SCNN1A: variants seen among roughly 807,000 people sequenced by gnomAD.
SCNN1A encodes epithelial sodium channel subunit alpha.
Under a neutral mutation model 68.6 loss-of-function variants are expected in SCNN1A, and 65 were observed. The observed-to-expected ratio is 0.95, with a 90% CI of 0.78 to 1.16. The LOEUF (loss-of-function observed/expected upper bound fraction) is 1.16. Ranked by LOEUF, SCNN1A falls within the 50% of genes most tolerant of loss-of-function variation. SCNN1A has a pLI of 0.00. For missense variants in SCNN1A, 880 were observed against 865.9 expected, an observed-to-expected ratio of 1.02 and a Z score of -0.20; for synonymous variants, 357 against 353.3, an observed-to-expected ratio of 1.01 and a Z score of -0.12.
intron 2 of SCNN1A, among the ~76,000 whole-genome samples, chr12:6,370,090 G>A (rs893376734): frequency 6.6e-6 from 1 of 152,178 alleles, no homozygotes; most frequent in Non-Finnish European, 1.5e-5. Flanking sequence ...CATGCTCACT[G>A]CCCTCACTCC....
At chr12:6,352,605 G>T (rs1000342512) in intron 8 of SCNN1A, among the ~76,000 whole-genome samples, 8 of 152,204 alleles carry the variant, frequency 5.3e-5, no homozygotes, top group Non-Finnish European at 1.0e-4. Flanking sequence ...CTCCATCCCA[G>T]TTCTGTATAC....
chr12:6,354,566 G>A lies in SCNN1A; in HGVS notation c.1243-11C>T. On this transcript the variant is annotated splice_polypyrimidine_tract_variant and intron_variant, in intron 7 of 12. Coordinates refer to ENST00000228916, the MANE Select transcript of SCNN1A (RefSeq NM_001038.6). The stretch of plus-strand genomic sequence containing the variant: ...GGAGTGAATACACACCTGGAAGGGA[G>A]GAGGGTGGAGAGGAGAGGGGGTTCA... The A allele has an allele frequency of 6.3e-7, 1 of 1,598,512 alleles. No homozygotes were observed. Among genetic ancestry groups the A allele is most frequent in the South Asian group, 1.1e-5 (1 of 90,770 alleles).
intron 2 of SCNN1A, among the ~76,000 whole-genome samples, chr12:6,366,044 C>T (rs1175063739): frequency 2.0e-5 from 3 of 151,864 alleles, no homozygotes; most frequent in Admixed American, 6.6e-5. Flanking sequence ...TTAGTAGAGA[C>T]GGGGTTTCAC....
upstream of SCNN1A, chr12:6,377,189 T>C: frequency 6.9e-7 from 1 of 1,443,184 alleles, no homozygotes; most frequent in Non-Finnish European, 9.5e-7. Flanking sequence ...CGGCAGTCTC[T>C]TGCGACTTCT....
Position 6,349,166 on chromosome 12 carries a change from G to C in SCNN1A, c.1495C>G (p.Gln499Glu). 3.1e-6 allele frequency: 5 copies of C among 1,613,898 alleles called. No individual in the cohort carries two copies. Among genetic ancestry groups the C allele is most frequent in the Non-Finnish European group, 1.7e-6 (2 of 1,179,886 alleles). Residue 499 changes from glutamine to glutamate, a missense_variant and splice_region_variant, in exon 10 of 13, where the codon CAG (glutamine) becomes GAG (glutamate). This residue lies in a region of SCNN1A where 758 missense variants were observed against 721.8 expected (regional missense o/e 1.05). Transcript: ENST00000228916. ...GYSRWPSVTSQEWVFQMLSRQ... is the reference protein window; with the variant it reads ...GYSRWPSVTSEEWVFQMLSRQ... ...CCCATCCCTTCCCCACACTCTACCT[G>C]GGATGTCACCGAGGGCCATCGTGAG...
At position 6,374,279 on chromosome 12, in the gene SCNN1A, G is replaced by A. The variant is rs1948853545; in HGVS notation, c.416+89C>T. Reference sequence around the variant, plus strand: ...GGTGTCAGTTCCCACCCTCAGGTCTGAGGCTCTGCCTGCCCAGTGAGCACC... The same window carrying A: ...GGTGTCAGTTCCCACCCTCAGGTCTAAGGCTCTGCCTGCCCAGTGAGCACC... On this transcript the variant is annotated intron_variant, in intron 2 of 12. Transcript: ENST00000228916. The surrounding 1 kb of genome is among the most constrained non-coding windows in gnomAD (Gnocchi z 6.2). 3 of 1,417,626 alleles carry A rather than the reference G, an allele frequency of 2.1e-6. No homozygotes were observed. Among genetic ancestry groups the A allele is most frequent in the Non-Finnish European group, 2.9e-6 (3 of 1,030,242 alleles). The allele number at this position is 1,417,626 out of a possible 1,614,324, so 87.8% of individuals were successfully genotyped here.
intron 2 of SCNN1A, among the ~76,000 whole-genome samples, chr12:6,368,548 A>C (rs1350115384): frequency 6.6e-6 from 1 of 152,252 alleles, no homozygotes; most frequent in Non-Finnish European, 1.5e-5. Flanking sequence ...ACATGATTTA[A>C]TCTTCAGTGT....
Position 6,374,949 on chromosome 12 carries a change from G to T in SCNN1A, c.-54-112C>A. 6.3e-7 allele frequency: 1 copy of T among 1,578,696 alleles called. No individual in the cohort carries two copies. On this transcript the variant is annotated intron_variant, in intron 1 of 12. Coordinates refer to ENST00000228916, the MANE Select transcript of SCNN1A (RefSeq NM_001038.6). This position sits in a 1 kb window ranked among gnomAD's most constrained non-coding sequence, Gnocchi z 6.2. ...CTGGAACCCGAGTGAGGCTGCCCCTGGCCATGCCCATGTCCCACCCTGCGC... is the reference window on the plus strand; with the variant it reads ...CTGGAACCCGAGTGAGGCTGCCCCTTGCCATGCCCATGTCCCACCCTGCGC...
intron 8 of SCNN1A, among the ~76,000 whole-genome samples, chr12:6,352,199 T>C (rs1450734082): frequency 8.5e-5 from 13 of 152,204 alleles, no homozygotes. Flanking sequence ...ATGAGTGAAA[T>C]GTATGGGATA....
chr12:6,355,134 C>T (rs1031321391), intron 6 of SCNN1A, 138 bp downstream of exon 6: 95 of 985,448 alleles, frequency 9.6e-5, no homozygotes, highest in Non-Finnish European at 1.3e-4. Context: ...GCCCCTCTGC[C>T]CCTCATTCCT....
chr12:6,365,843 A>G (rs1051621712), intron 2 of SCNN1A, among the ~76,000 whole-genome samples: 1 of 152,214 alleles, frequency 6.6e-6, no homozygotes, highest in Non-Finnish European at 1.5e-5. Context: ...AACCGTATGT[A>G]GTAGGCACTT....
chr12:6,352,907 T>C (rs913345411), intron 8 of SCNN1A, among the ~76,000 whole-genome samples: 3 of 152,204 alleles, frequency 2.0e-5, no homozygotes, highest in Non-Finnish European at 2.9e-5. Flanking sequence ...GTGTCTCCAG[T>C]GCCCACTACC....
chr12:6,363,526 G>A lies in SCNN1A; in HGVS notation c.601C>T (p.Arg201Cys), dbSNP rs752626882. Residue 201 changes from arginine to cysteine, a missense_variant, in exon 3 of 13, where the codon CGT (arginine) becomes TGT (cysteine). Arg to Cys is a radical substitution (Grantham distance 180, BLOSUM62 -3). Coordinates refer to ENST00000228916, the MANE Select transcript of SCNN1A (RefSeq NM_001038.6). ...LRVPPPPHGA[R>C]RARSVASSLR... Reference sequence around the variant, plus strand: ...CTGGAGGCCACGCTACGGGCTCGACGGGCCCCGTGAGGCGGGGGCGGGACC... The same window carrying A: ...CTGGAGGCCACGCTACGGGCTCGACAGGCCCCGTGAGGCGGGGGCGGGACC... 24 of 1,609,584 alleles carry A rather than the reference G, an allele frequency of 1.5e-5. No homozygotes were observed. Among genetic ancestry groups the A allele is most frequent in the East Asian group, 4.5e-5 (2 of 44,722 alleles).
At position 6,351,263 on chromosome 12, in the gene SCNN1A, A is replaced by G. The variant is rs1948382236; in HGVS notation, c.1361-1858T>C. On this transcript the variant is annotated intron_variant, in intron 8 of 12. Coordinates refer to ENST00000228916, the MANE Select transcript of SCNN1A (RefSeq NM_001038.6). The surrounding 1 kb of genome is among the most constrained non-coding windows in gnomAD (Gnocchi z 4.2). ...ATTGCTACCATACGGATGAACCTTG[A>G]AAATATTATGCTAAGTGAAATAAGG... 6.6e-6 allele frequency among the ~76,000 whole-genome samples: 1 copy of G among 152,236 alleles called. No individual in the cohort carries two copies. Among genetic ancestry groups the G allele is most frequent in the Non-Finnish European group, 1.5e-5 (1 of 68,038 alleles).
upstream of SCNN1A, chr12:6,377,165 G>A: frequency 8.8e-7 from 1 of 1,139,928 alleles, no homozygotes; most frequent in Non-Finnish European, 1.3e-6. Flanking sequence ...CCTGGTCTGT[G>A]GCTTCCTCTC....
At position 6,374,596 on chromosome 12, in the gene SCNN1A, CAGA is replaced by C; in HGVS notation, c.185_187del (p.Phe62del). On this transcript the variant is annotated inframe_deletion, in exon 2 of 13. Coordinates refer to ENST00000228916, the MANE Select transcript of SCNN1A (RefSeq NM_001038.6). The surrounding 1 kb of genome is among the most constrained non-coding windows in gnomAD (Gnocchi z 6.2). ...GGCGCCGTGGATGGTGGTGTTGTTG[CAGA>C]AGAACTCGAAGAGCTCTCGGTAGGA... The C allele has an allele frequency of 6.2e-7, 1 of 1,614,016 alleles. No individual in the cohort carries two copies. Among genetic ancestry groups the C allele is most frequent in the Non-Finnish European group, 8.5e-7 (1 of 1,179,982 alleles).
Position 6,351,378 on chromosome 12 carries a change from C to A in SCNN1A, c.1361-1973G>T, listed in dbSNP as rs993552414. On this transcript the variant is annotated intron_variant, in intron 8 of 12. Transcript: ENST00000228916. This position sits in a 1 kb window ranked among gnomAD's most constrained non-coding sequence, Gnocchi z 4.2. ...GTGGCTCATGCCTGTAATCCCAGCA[C>A]TTGGGGGCTGAGGTGGGCGGATCAC... 5.3e-5 allele frequency among the ~76,000 whole-genome samples: 8 copies of A among 152,190 alleles called. No individual in the cohort carries two copies. The highest frequency in any genetic ancestry group is 1.2e-4 in the Non-Finnish European group (8 of 68,016).
At chr12:6,375,947 ACT>A (rs1341214883), upstream of SCNN1A, 1 of 1,023,200 alleles carries the variant, frequency 9.8e-7, no homozygotes, top group Non-Finnish European at 1.2e-6. Context: ...GAGGAGGGGC[ACT>A]GAGTGAGTAG....
At chr12:6,357,944 G>A (rs1948525047) in intron 4 of SCNN1A, among the ~76,000 whole-genome samples, 1 of 152,180 alleles carries the variant, frequency 6.6e-6, no homozygotes, top group South Asian at 2.1e-4. Flanking sequence ...GTTGTCATGA[G>A]CTGAGATTGC....
Sources: gnomAD v4.1 joint callset for allele counts (sites outside exome capture counted in the v4.1 genomes callset) on GRCh38, gnomAD v4.1.1 for gene constraint, gnomAD v4.1.1 regional missense constraint, Gnocchi (gnomAD v3.1) non-coding constraint, MANE v1.5 for transcripts, NCBI Gene and HGNC (gene_info 2026-07-23, HGNC 2026-07-21) for gene names.